PPP2R2B: variants seen among roughly 807,000 people sequenced by gnomAD.
PPP2R2B encodes the protein protein phosphatase 2 regulatory subunit Bbeta.
PPP2R2B carries 5 observed loss-of-function variants against 46.0 expected under a neutral mutation model. The ratio of observed to expected loss-of-function variants is 0.11; its 90% confidence interval spans 0.06 to 0.23. The LOEUF (loss-of-function observed/expected upper bound fraction) is 0.23. PPP2R2B is among the 10% of genes least tolerant of loss of function. The pLI, the probability that PPP2R2B is intolerant of heterozygous loss-of-function variation, is 1.00. For missense variants in PPP2R2B, 367 were observed against 575.0 expected, an observed-to-expected ratio of 0.64 and a Z score of 3.70; for synonymous variants, 215 against 206.7, an observed-to-expected ratio of 1.04 and a Z score of -0.34.
chr5:146,940,799 T>A (rs1471243717), intron 1 of PPP2R2B, among the ~76,000 whole-genome samples: 2 of 152,202 alleles, frequency 1.3e-5, no homozygotes, highest in Non-Finnish European at 2.9e-5. Flanking sequence ...TCCACTGAAT[T>A]CTCTATCATA....
chr5:146,591,281 C>T (rs879376651), intron 9 of PPP2R2B, among the ~76,000 whole-genome samples: 4 of 152,076 alleles, frequency 2.6e-5, no homozygotes, highest in Non-Finnish European at 4.4e-5. Flanking sequence ...AAGATTGGGC[C>T]ACAGCAAGGG....
chr5:146,757,746 A>T (rs1753923903), intron 2 of PPP2R2B, among the ~76,000 whole-genome samples: 2 of 152,178 alleles, frequency 1.3e-5, no homozygotes, highest in African/African-American at 4.8e-5. Flanking sequence ...TGGTACTTAG[A>T]CTATCCTGTG....
At chr5:146,639,708 A>G (rs547411964) in intron 6 of PPP2R2B, among the ~76,000 whole-genome samples, 2 of 152,322 alleles carry the variant, frequency 1.3e-5, no homozygotes, top group African/African-American at 4.8e-5. Flanking sequence ...TCTGTGCATC[A>G]TCAGATAGTA....
intron 5 of PPP2R2B, among the ~76,000 whole-genome samples, chr5:146,661,476 T>C (rs943213874): frequency 1.3e-5 from 2 of 152,070 alleles, no homozygotes; most frequent in African/African-American, 4.8e-5. Flanking sequence ...AAAATATCTA[T>C]GTTTAATATC....
intron 1 of PPP2R2B, among the ~76,000 whole-genome samples, chr5:146,960,995 C>A (rs1180149070): frequency 6.6e-6 from 1 of 152,174 alleles, no homozygotes; most frequent in African/African-American, 2.4e-5. Flanking sequence ...CCAGGCTTAA[C>A]ATTTTTGTAC....
intron 1 of PPP2R2B, among the ~76,000 whole-genome samples, chr5:146,916,767 T>G (rs528114428): frequency 2.0e-5 from 3 of 152,130 alleles, no homozygotes; most frequent in Non-Finnish European, 4.4e-5. Context: ...TAGTTTCAAT[T>G]TTGTGACTTG....
At chr5:146,648,544 C>T (rs936622215) in intron 6 of PPP2R2B, among the ~76,000 whole-genome samples, 4 of 152,072 alleles carry the variant, frequency 2.6e-5, no homozygotes, top group Non-Finnish European at 4.4e-5. Flanking sequence ...GAGTGTTCCA[C>T]GTACTGGAAT....
chr5:146,996,603 G>A (rs995166472), intron 1 of PPP2R2B, among the ~76,000 whole-genome samples: 1 of 152,102 alleles, frequency 6.6e-6, no homozygotes, highest in African/African-American at 2.4e-5. Flanking sequence ...TTTCAGTAGG[G>A]CCAGAAAAAT....
intron 2 of PPP2R2B, among the ~76,000 whole-genome samples, chr5:146,735,633 A>G (rs1752490974): frequency 6.6e-6 from 1 of 152,200 alleles, no homozygotes; most frequent in South Asian, 2.1e-4. Flanking sequence ...TAAGGGAAAT[A>G]TAAAACCATG....
intron 5 of PPP2R2B, among the ~76,000 whole-genome samples, chr5:146,651,619 G>A (rs1357799579): frequency 6.6e-6 from 1 of 152,074 alleles, no homozygotes; most frequent in Admixed American, 6.5e-5. Flanking sequence ...ATGCCTGAGA[G>A]GGAACAAACT....
chr5:146,845,987 C>A (rs1759980450), intron 2 of PPP2R2B, among the ~76,000 whole-genome samples: 1 of 152,132 alleles, frequency 6.6e-6, no homozygotes, highest in Non-Finnish European at 1.5e-5. Context: ...ACACTGAGTT[C>A]TGAAGACAAC....
intron 4 of PPP2R2B, among the ~76,000 whole-genome samples, chr5:146,694,128 A>G (rs536513971): frequency 1.3e-5 from 2 of 152,286 alleles, no homozygotes; most frequent in South Asian, 2.1e-4. Context: ...TTAATGAACC[A>G]CATTGTGAAG....
Position 146,587,367 on chromosome 5 carries a change from G to A in PPP2R2B, c.*2580C>T, listed in dbSNP as rs983019154. 3.3e-5 allele frequency: 5 copies of A among 152,208 alleles called. No individual in the cohort carries two copies. Among genetic ancestry groups the A allele is most frequent in the African/African-American group, 1.2e-4 (5 of 41,442 alleles). 9.4% of individuals were successfully genotyped at this position (152,208 alleles called of 1,614,324 possible). A position where few individuals can be genotyped will look rare whatever the true frequency, so the allele number is the denominator to read the frequency against. ...GTTTGCTCTAATGCATCCTTTGCAG[G>A]GGATGGAGGAGAGGATGGCTGCCCT... On this transcript the variant is annotated 3_prime_UTR_variant, in exon 10 of 10. Transcript: ENST00000394411.
intron 5 of PPP2R2B, among the ~76,000 whole-genome samples, chr5:146,669,196 T>G (rs538137309): frequency 1.4e-4 from 21 of 152,352 alleles, no homozygotes; most frequent in Admixed American, 9.8e-4. Context: ...AATACAATTA[T>G]GTACTGAATT....
chr5:146,742,427 C>A (rs1006546986), intron 2 of PPP2R2B, among the ~76,000 whole-genome samples: 1 of 152,116 alleles, frequency 6.6e-6, no homozygotes, highest in African/African-American at 2.4e-5. Flanking sequence ...GTTCTGGATC[C>A]TTTTACCTGA....
intron 2 of PPP2R2B, among the ~76,000 whole-genome samples, chr5:146,798,729 T>C (rs1332757810): frequency 2.6e-5 from 4 of 152,204 alleles, no homozygotes; most frequent in African/African-American, 9.6e-5. Context: ...GCTTGGATTA[T>C]CTCTTTGAAT....
At chr5:146,709,920 A>G (rs1780123337) in intron 2 of PPP2R2B, among the ~76,000 whole-genome samples, 1 of 152,158 alleles carries the variant, frequency 6.6e-6, no homozygotes. Context: ...TCCTTATAGC[A>G]CTTTGCACAG....
At chr5:146,598,423 C>G (rs1293689180) in intron 8 of PPP2R2B, among the ~76,000 whole-genome samples, 1 of 152,164 alleles carries the variant, frequency 6.6e-6, no homozygotes, top group Admixed American at 6.6e-5. Context: ...TACTAATTGT[C>G]TAGAAGATCT....
chr5:146,865,997 C>G (rs973943350), intron 2 of PPP2R2B, among the ~76,000 whole-genome samples: 1 of 152,182 alleles, frequency 6.6e-6, no homozygotes, highest in Non-Finnish European at 1.5e-5. Context: ...TCTTCTAGAA[C>G]AGGGGTCAGC....
Sources: allele counts gnomAD v4.1 joint callset (sites outside exome capture counted in the v4.1 genomes callset), GRCh38; gene constraint gnomAD v4.1.1; transcripts MANE v1.5; gene names NCBI Gene and HGNC (gene_info 2026-07-23, HGNC 2026-07-21).